Variants in L3MBTL1 observed in about 807,000 individuals in gnomAD.
L3MBTL1 encodes L3MBTL histone methyl-lysine binding protein 1.
In L3MBTL1, 75 loss-of-function variants were observed where a neutral mutation model predicts 105.3. The observed-to-expected ratio is 0.71, with a 90% CI of 0.59 to 0.86. L3MBTL1 has a LOEUF of 0.86. Among genes scored for constraint, L3MBTL1 ranks in the 40% least tolerant of loss-of-function variants. The pLI, the probability that L3MBTL1 is intolerant of heterozygous loss-of-function variation, is 0.00. For missense variants in L3MBTL1, 1,069 were observed against 1,126.4 expected (o/e 0.95, Z 0.73); for synonymous variants, 452 against 436.2 (o/e 1.04, Z -0.45).
intron 3 of L3MBTL1, chr20:43,514,424 C>T (rs2062119561): frequency 3.4e-6 from 5 of 1,467,294 alleles, no homozygotes; most frequent in Non-Finnish European, 3.6e-6. Context: ...GAGTGGGGCA[C>T]CCTGGGACTG....
intron 7 of L3MBTL1, among the ~76,000 whole-genome samples, chr20:43,522,462 T>TTTG (rs2018775628): frequency 1.4e-5 from 1 of 72,848 alleles, no homozygotes; most frequent in Non-Finnish European, 2.7e-5. Flanking sequence ...GCTAAGTTTT[T>TTTG]TTTTTTTTTT....
At chr20:43,521,619 A>C (rs2018707203) in intron 7 of L3MBTL1, among the ~76,000 whole-genome samples, 1 of 152,216 alleles carries the variant, frequency 6.6e-6, no homozygotes, top group South Asian at 2.1e-4. Context: ...GAAGAGAGCA[A>C]TTTCACTAGT....
In L3MBTL1 at chr20:43,541,687, C is replaced by T. The variant is rs1062943; in HGVS notation, c.*559C>T. 0.32 allele frequency: 123,982 copies of T among 383,014 alleles called. 22,674 individuals are homozygous for T. The highest frequency in any genetic ancestry group is 0.38 in the Non-Finnish European group (104,751 of 277,572). 23.7% of individuals were successfully genotyped at this position (383,014 alleles called of 1,614,324 possible). A position where few individuals can be genotyped will look rare whatever the true frequency, so the allele number is the denominator to read the frequency against. On this transcript the variant is annotated 3_prime_UTR_variant, in exon 22 of 22. Coordinates refer to ENST00000418998, the MANE Select transcript of L3MBTL1 (RefSeq NM_001377303.1). ...AATGCCAATATCAAGGGCCATGTAT[C>T]AGGTTTCTGTATATGTTCCACTATA... is the stretch of plus-strand genomic sequence containing the variant.
Position 43,541,433 on chromosome 20 carries a change from A to T in L3MBTL1, c.*305A>T. ...TTGTGAGCATTGGAAATGATGAATGAATCATACCAGAACGTCTAGTATAAT... is the reference window on the plus strand; with the variant it reads ...TTGTGAGCATTGGAAATGATGAATGTATCATACCAGAACGTCTAGTATAAT... On this transcript the variant is annotated 3_prime_UTR_variant, in exon 22 of 22. Coordinates refer to ENST00000418998, the MANE Select transcript of L3MBTL1 (RefSeq NM_001377303.1). 5.7e-6 allele frequency: 2 copies of T among 350,202 alleles called. No homozygotes were observed. The highest frequency in any genetic ancestry group is 1.1e-5 in the Non-Finnish European group (2 of 189,002). 21.7% of individuals were successfully genotyped at this position (350,202 alleles called of 1,614,324 possible). A position where few individuals can be genotyped will look rare whatever the true frequency, so the allele number is the denominator to read the frequency against.
chr20:43,529,094 G>A (rs1600933345), intron 8 of L3MBTL1, 170 bp from the exon 9 acceptor site: 5 of 619,654 alleles, frequency 8.1e-6, no homozygotes, highest in East Asian at 2.7e-5. Context: ...GGACCTGGGA[G>A]ATATTCTCTC....
downstream of L3MBTL1, among the ~76,000 whole-genome samples, chr20:43,545,501 A>G (rs186330945): frequency 2.3e-3 from 349 of 152,222 alleles, 3 homozygotes; most frequent in Middle Eastern, 6.8e-3. Flanking sequence ...GCCTCCTGGG[A>G]TGACCACTTG....
At chr20:43,510,765 C>T (rs1462086655) in intron 1 of L3MBTL1, among the ~76,000 whole-genome samples, 7 of 150,054 alleles carry the variant, frequency 4.7e-5, no homozygotes, top group East Asian at 2.0e-4. Context: ...TCACCTAGAC[C>T]GGAGTACAGT....
chr20:43,517,247 T>A (rs939790074), intron 7 of L3MBTL1, among the ~76,000 whole-genome samples: 1 of 151,934 alleles, frequency 6.6e-6, no homozygotes, highest in African/African-American at 2.4e-5. Context: ...TACAGGCACA[T>A]GCCACCACAT....
chr20:43,516,812 G>C (rs2018419507), intron 7 of L3MBTL1, among the ~76,000 whole-genome samples: 1 of 151,896 alleles, frequency 6.6e-6, no homozygotes, highest in African/African-American at 2.4e-5. Context: ...GTTTTGGAGG[G>C]TGACCGGGTC....
chr20:43,528,115 A>C (rs951850369), intron 7 of L3MBTL1, among the ~76,000 whole-genome samples: 3 of 150,766 alleles, frequency 2.0e-5, no homozygotes, highest in Non-Finnish European at 4.4e-5. Context: ...CTGGTCTCGA[A>C]CTCCTGACCT....
chr20:43,536,509 C>A, intron 19 of L3MBTL1, 51 bp downstream of exon 19: 4 of 1,583,878 alleles, frequency 2.5e-6, no homozygotes, highest in Non-Finnish European at 3.5e-6. Context: ...GTGTTCACAG[C>A]GAGTGCTCTG....
intron 11 of L3MBTL1, 129 bp downstream of exon 11, chr20:43,531,018 T>TCTGATATGAGAG: frequency 2.7e-6 from 2 of 744,030 alleles, no homozygotes; most frequent in Non-Finnish European, 4.4e-6. Context: ...TGATCTCTCA[T>TCTGATATGAGAG]ATCAGATGGG....
chr20:43,515,273 A>G lies in L3MBTL1; in HGVS notation c.654-19A>G. 1.2e-6 allele frequency: 2 copies of G among 1,610,678 alleles called. No homozygotes were observed. Among genetic ancestry groups the G allele is most frequent in the Non-Finnish European group, 8.5e-7 (1 of 1,178,092 alleles). On this transcript the variant is annotated intron_variant, in intron 5 of 21. Transcript: ENST00000418998. ...GTGCAGGGCGGGTGGTTCTTTCCCT[A>G]AGGCTGGCCCTTCCTCAGGTCAGTC...
At chr20:43,546,139 A>G (rs966476747), downstream of L3MBTL1, among the ~76,000 whole-genome samples, 1 of 152,224 alleles carries the variant, frequency 6.6e-6, no homozygotes, top group African/African-American at 2.4e-5. Context: ...CTGCTGGGGA[A>G]GCATGCTGAC....
chr20:43,544,142 G>T (rs1171598584), downstream of L3MBTL1, among the ~76,000 whole-genome samples: 2 of 152,206 alleles, frequency 1.3e-5, no homozygotes. Context: ...GATGTTTACT[G>T]GCAGCTTCCT....
Position 43,511,058 on chromosome 20 carries a change from GT to G in L3MBTL1, c.-28-2413del, listed in dbSNP as rs1274136161. 2.0e-5 allele frequency among the ~76,000 whole-genome samples: 3 copies of G among 151,550 alleles called. No individual in the cohort carries two copies. The East Asian group carries it at 5.8e-4, about 30-fold the overall frequency. ...TTTTTTGTTTTGGTTTTGGTTTTTGGTTTTTGAGATGGAGTCTTGCTCTGTC... is the reference window on the plus strand; with the variant it reads ...TTTTTTGTTTTGGTTTTGGTTTTTGGTTTTGAGATGGAGTCTTGCTCTGTC... On this transcript the variant is annotated intron_variant, in intron 1 of 21. Transcript: ENST00000418998.
chr20:43,522,930 C>T (rs990414037), intron 7 of L3MBTL1, among the ~76,000 whole-genome samples: 4 of 150,974 alleles, frequency 2.6e-5, no homozygotes, highest in African/African-American at 2.4e-5. Flanking sequence ...TGGCGAACCC[C>T]GTCGCTAATA....
At chr20:43,526,917 A>G (rs2019062066) in intron 7 of L3MBTL1, among the ~76,000 whole-genome samples, 2 of 152,236 alleles carry the variant, frequency 1.3e-5, no homozygotes, top group Non-Finnish European at 2.9e-5. Flanking sequence ...ACTGCACTGC[A>G]GCCTGGGCGA....
In L3MBTL1 at chr20:43,514,026, G is replaced by T. The variant is rs956037571; in HGVS notation, c.325G>T (p.Glu109Ter). 1 of 1,537,644 alleles carries T rather than the reference G, an allele frequency of 6.5e-7. No homozygotes were observed. Among genetic ancestry groups the T allele is most frequent in the Non-Finnish European group, 8.7e-7 (1 of 1,146,708 alleles). ...TSTVRLLEWT[E>*]AAAPPPGGGL... is the part of the protein sequence containing the mutation. ...CACAGTGCGGCTTCTGGAATGGACAGAGGCCGCGGCCCCGCCCCCAGGGGG... is the reference window on the plus strand; with the variant it reads ...CACAGTGCGGCTTCTGGAATGGACATAGGCCGCGGCCCCGCCCCCAGGGGG... The change falls in exon 3 of 22, where the codon GAG (glutamate) becomes TAG (stop). Residue 109 changes from glutamate (E) to a stop codon, truncating the protein, a stop_gained. Coordinates refer to ENST00000418998, the MANE Select transcript of L3MBTL1 (RefSeq NM_001377303.1). LOFTEE classifies it high-confidence loss of function.
Sources: allele counts gnomAD v4.1 joint callset (sites outside exome capture counted in the v4.1 genomes callset), GRCh38; gene constraint gnomAD v4.1.1; transcripts MANE v1.5; gene names NCBI Gene and HGNC (gene_info 2026-07-23, HGNC 2026-07-21).